Variants in SLC4A3 observed in about 807,000 individuals in gnomAD.
The protein encoded by SLC4A3 is solute carrier family 4 member 3, also known as anion exchange protein 3.
SLC4A3 carries 47 observed loss-of-function variants against 114.2 expected under a neutral mutation model. That is an observed-to-expected ratio of 0.41 (90% CI 0.33 to 0.52). SLC4A3 has a LOEUF of 0.52. Ranked by LOEUF, SLC4A3 falls within the 20% of genes least tolerant of loss-of-function variation. The pLI, the probability that SLC4A3 is intolerant of heterozygous loss-of-function variation, is 0.21. For missense variants in SLC4A3, 1,312 were observed against 1,668.3 expected, an observed-to-expected ratio of 0.79 and a Z score of 3.72; for synonymous variants, 693 against 710.3, an observed-to-expected ratio of 0.98 and a Z score of 0.39.
In SLC4A3 at chr2:219,632,103, G is replaced by A. The variant is rs766023938; in HGVS notation, c.947G>A (p.Arg316Gln). The A allele has an allele frequency of 3.3e-5, 53 of 1,613,456 alleles. No homozygotes were observed. The highest frequency in any genetic ancestry group is 1.6e-4 in the Middle Eastern group (1 of 6,080). ...AAGAAGAAGAAGAAAAAGCTGGACC[G>A]GAGGCCTCATGAGGTCAGGATGCTG... is the stretch of plus-strand genomic sequence containing the variant. ...RRKKKKKKLD[R>Q]RPHEVFVELN... Residue 316 changes from arginine to glutamine, a missense_variant, in exon 7 of 23, where the codon CGG (arginine) becomes CAG (glutamine). Arg to Gln is a conservative substitution (Grantham distance 43, BLOSUM62 1). This residue lies in a region of SLC4A3 where 771 missense variants were observed against 977.7 expected (regional missense o/e 0.79). Coordinates refer to ENST00000358055, the MANE Select transcript of SLC4A3 (RefSeq NM_005070.4).
chr2:219,637,535 T>G lies in SLC4A3; in HGVS notation c.2536-46T>G. The G allele has an allele frequency of 9.1e-7, 1 of 1,103,186 alleles. No homozygotes were observed. The highest frequency in any genetic ancestry group is 1.3e-6 in the Non-Finnish European group (1 of 749,520). 68.3% of individuals were successfully genotyped at this position (1,103,186 alleles called of 1,614,324 possible). On this transcript the variant is annotated intron_variant, in intron 16 of 22. Transcript: ENST00000358055. The surrounding 1 kb of genome is among the most constrained non-coding windows in gnomAD (Gnocchi z 4.6). ...GTGTACTGATGACGATGAAGTCAGGTCACCTGCCAGGTGAGTGACAAGGCA... is the reference window on the plus strand; with the variant it reads ...GTGTACTGATGACGATGAAGTCAGGGCACCTGCCAGGTGAGTGACAAGGCA...
rs144812298 is a variant in SLC4A3, at chr2:219,634,468, A to G, written c.1610A>G (p.Asn537Ser). ...EQPAAAFVRL[N>S]EAVLLESVLE... ...CCTGCAGCAGCCTTCGTGCGTCTGA[A>G]TGAGGCTGTACTCCTGGAGTCTGTG... The change falls in exon 12 of 23, where the codon AAT (asparagine) becomes AGT (serine). Residue 537 changes from asparagine to serine, a missense_variant. Asn to Ser is a conservative substitution (Grantham distance 46). This residue lies in a region of SLC4A3 where 771 missense variants were observed against 977.7 expected (regional missense o/e 0.79). Coordinates refer to ENST00000358055, the MANE Select transcript of SLC4A3 (RefSeq NM_005070.4). 263 of 1,614,126 alleles carry G rather than the reference A, an allele frequency of 1.6e-4. No individual in the cohort carries two copies. In the African/African-American group the frequency reaches 3.0e-3, roughly 18 times the overall value.
chr2:219,628,836 C>G lies in SLC4A3; in HGVS notation c.217+266C>G. 1.7e-6 allele frequency: 1 copy of G among 585,214 alleles called. No homozygotes were observed. The highest frequency in any genetic ancestry group is 3.0e-6 in the Non-Finnish European group (1 of 335,380). The allele number at this position is 585,214 out of a possible 1,614,324, so 36.3% of individuals were successfully genotyped here. ...CTTCCACGGTGACCTTCCCCTTCCC[C>G]TTCGTCCCCACTCACTCCCTCCTTG... is the stretch of plus-strand genomic sequence containing the variant. On this transcript the variant is annotated intron_variant, in intron 3 of 22. Transcript: ENST00000358055. The surrounding 1 kb of genome is among the most constrained non-coding windows in gnomAD (Gnocchi z 4.8).
Position 219,629,272 on chromosome 2 carries a change from T to A in SLC4A3, c.346T>A (p.Ser116Thr). 6.2e-7 allele frequency: 1 copy of A among 1,613,654 alleles called. No homozygotes were observed. The highest frequency in any genetic ancestry group is 8.5e-7 in the Non-Finnish European group (1 of 1,179,882). ...TRRKRKKEKT[S>T]APPSEGTPPI... is the part of the protein sequence containing the mutation. Reference sequence around the variant, plus strand: ...GAGAAAGAGGAAGAAGGAGAAAACCTCTGCTCCTCCCTCCGAGGGGACCCC... The same window carrying A: ...GAGAAAGAGGAAGAAGGAGAAAACCACTGCTCCTCCCTCCGAGGGGACCCC... The change falls in exon 4 of 23, where the codon TCT becomes ACT. Residue 116 changes from serine (S) to threonine (T), a missense_variant. By Grantham distance (58) the Ser-to-Thr change is moderately conservative. This residue lies in a region of SLC4A3 where 236 missense variants were observed against 212.1 expected (regional missense o/e 1.11). Transcript: ENST00000358055.
chr2:219,633,413 G>C lies in SLC4A3; in HGVS notation c.1417G>C (p.Gly473Arg). ...GAVPTMADDLGEPAPLWPHDP... is the reference protein window; with the variant it reads ...GAVPTMADDLREPAPLWPHDP... Reference sequence around the variant, plus strand: ...GGTGCCTACCATGGCTGATGACCTGGGGGAGCCAGCCCCACTCTGGCCACA... The same window carrying C: ...GGTGCCTACCATGGCTGATGACCTGCGGGAGCCAGCCCCACTCTGGCCACA... The change falls in exon 10 of 23, where the codon GGG (glycine) becomes CGG (arginine). Residue 473 changes from glycine (G) to arginine (R), a missense_variant. Physicochemically the swap from Gly to Arg is moderately radical, Grantham distance 125. Transcript: ENST00000358055. The C allele has an allele frequency of 6.3e-7, 1 of 1,575,140 alleles. No homozygotes were observed. Among genetic ancestry groups the C allele is most frequent in the Non-Finnish European group, 8.6e-7 (1 of 1,160,184 alleles).
Position 219,635,473 on chromosome 2 carries a change from G to A in SLC4A3, c.1949G>A (p.Gly650Asp), listed in dbSNP as rs908492810. ...EQTKVEMTTRGGYTAPGKELS... is the reference protein window; with the variant it reads ...EQTKVEMTTRDGYTAPGKELS... ...ACCAAAGTCGAGATGACCACACGGG[G>A]TGGCTACACGGCCCCTGGGAAAGGT... The change falls in exon 13 of 23, where the codon GGT becomes GAT. Residue 650 changes from glycine to aspartate, a missense_variant. This residue lies in a region of SLC4A3 where 771 missense variants were observed against 977.7 expected (regional missense o/e 0.79). Transcript: ENST00000358055. 9.3e-6 allele frequency: 15 copies of A among 1,612,578 alleles called. No individual in the cohort carries two copies. The highest frequency in any genetic ancestry group is 6.7e-5 in the East Asian group (3 of 44,818).
chr2:219,635,984 AT>A, intron 14 of SLC4A3, 93 bp downstream of exon 14: 1 of 1,020,814 alleles, frequency 9.8e-7, no homozygotes, highest in Non-Finnish European at 1.4e-6. Context: ...GTGTGATCAC[AT>A]TAGGGGGCCA....
At position 219,637,022 on chromosome 2, in the gene SLC4A3, T is replaced by A. The variant is rs2106198256; in HGVS notation, c.2535+148T>A. 1 of 741,518 alleles carries A rather than the reference T, an allele frequency of 1.3e-6. No homozygotes were observed. The highest frequency in any genetic ancestry group is 2.7e-5 in the East Asian group (1 of 37,614). The allele number at this position is 741,518 out of a possible 1,614,324, so 45.9% of individuals were successfully genotyped here. A position where few individuals can be genotyped will look rare whatever the true frequency, so the allele number is the denominator to read the frequency against. ...GAGGGGTTCTAGGGACACCCTAGGC[T>A]AGGTCTGAGCTGAAGGGGAGGGAGT... On this transcript the variant is annotated intron_variant, in intron 16 of 22. Transcript: ENST00000358055. This position sits in a 1 kb window ranked among gnomAD's most constrained non-coding sequence, Gnocchi z 4.6.
In SLC4A3 at chr2:219,629,397, C is replaced by T. The variant is rs751614801; in HGVS notation, c.471C>T (p.His157=). The stretch of plus-strand genomic sequence containing the variant: ...AGGCAGAACCTGTGGAGCCCCCCCA[C>T]TCAGGGACCCCACAGAAGGCAAAGG... ...ESEAEPVEPP[H]SGTPQKAKFS... Residue 157 remains histidine, a synonymous_variant, in exon 4 of 23, where the codon CAC becomes CAT. Coordinates refer to ENST00000358055, the MANE Select transcript of SLC4A3 (RefSeq NM_005070.4). 9.5e-6 allele frequency: 15 copies of T among 1,585,862 alleles called. No individual in the cohort carries two copies. Among genetic ancestry groups the T allele is most frequent in the South Asian group, 3.5e-5 (3 of 86,138 alleles).
At chr2:219,629,081 C>T in intron 3 of SLC4A3, 63 bp from the exon 4 acceptor site, 1 of 1,507,182 alleles carries the variant, frequency 6.6e-7, no homozygotes, top group Non-Finnish European at 8.8e-7. Flanking sequence ...GGTGTGTGCC[C>T]TCGGGTGGGG....
intron 10 of SLC4A3, 36 bp from the exon 11 acceptor site, chr2:219,633,844 C>A: frequency 6.4e-7 from 1 of 1,551,436 alleles, no homozygotes; most frequent in South Asian, 1.2e-5. Flanking sequence ...GGCCTCCGGT[C>A]TGGGTCCCAG....
chr2:219,632,845 GC>G (rs746945618), intron 8 of SLC4A3, 28 bp from the exon 9 acceptor site: 21 of 1,613,062 alleles, frequency 1.3e-5, no homozygotes, highest in Non-Finnish European at 1.6e-5. Context: ...ATGGGACTGT[GC>G]CCTCTCTGTG....
rs1487786128 is a variant in SLC4A3 at position 219,632,187 on chromosome 2, C to T, written c.960+71C>T. ...GGCCCCGGAGCCCTCCTCTCTTTGC[C>T]CCCCTGCCTTGCCCCATCACGGTGT... On this transcript the variant is annotated intron_variant, in intron 7 of 22. Transcript: ENST00000358055. The T allele has an allele frequency of 1.9e-6, 3 of 1,607,258 alleles. No individual in the cohort carries two copies. In the African/African-American group the frequency reaches 4.0e-5, roughly 21 times the overall value.
Position 219,638,594 on chromosome 2 carries a change from AC to A in SLC4A3, c.2857-105del. 8.7e-7 allele frequency: 1 copy of A among 1,143,366 alleles called. No homozygotes were observed. Among genetic ancestry groups the A allele is most frequent in the Non-Finnish European group, 1.3e-6 (1 of 796,922 alleles). 70.8% of individuals were successfully genotyped at this position (1,143,366 alleles called of 1,614,324 possible). A position where few individuals can be genotyped will look rare whatever the true frequency, so the allele number is the denominator to read the frequency against. On this transcript the variant is annotated intron_variant, in intron 18 of 22. Coordinates refer to ENST00000358055, the MANE Select transcript of SLC4A3 (RefSeq NM_005070.4). The surrounding 1 kb of genome is among the most constrained non-coding windows in gnomAD (Gnocchi z 7.5). ...ACTAATTTTCCCCTGACCTGTTCAC[AC>A]CCCAGCTCCCTGAAGTCCTGGACTG...
Position 219,631,949 on chromosome 2 carries a change from A to G in SLC4A3, c.812-19A>G, listed in dbSNP as rs1698937140. 6.3e-7 allele frequency: 1 copy of G among 1,575,348 alleles called. No individual in the cohort carries two copies. The highest frequency in any genetic ancestry group is 8.6e-7 in the Non-Finnish European group (1 of 1,160,444). On this transcript the variant is annotated intron_variant, in intron 6 of 22. Transcript: ENST00000358055. This position sits in a 1 kb window ranked among gnomAD's most constrained non-coding sequence, Gnocchi z 6.3. Reference sequence around the variant, plus strand: ...CCCCAGCTGGACCTGTGGGACCCCCAAGCCCATCTTCTCTGCAGGTCACCG... The same window carrying G: ...CCCCAGCTGGACCTGTGGGACCCCCGAGCCCATCTTCTCTGCAGGTCACCG...
Position 219,641,762 on chromosome 2 carries a change from A to T in SLC4A3, c.*34A>T. 6.4e-7 allele frequency: 1 copy of T among 1,561,878 alleles called. No individual in the cohort carries two copies. The highest frequency in any genetic ancestry group is 1.1e-5 in the South Asian group (1 of 89,840). ...GACAGTGCCCCTCAGAGACCCCAAG[A>T]CCTTAGGGATTGACACCTGGGCCTC... is the stretch of plus-strand genomic sequence containing the variant. On this transcript the variant is annotated 3_prime_UTR_variant, in exon 23 of 23. Transcript: ENST00000358055. The surrounding 1 kb of genome is among the most constrained non-coding windows in gnomAD (Gnocchi z 4.0).
chr2:219,637,843 A>G lies in SLC4A3; in HGVS notation c.2766+32A>G. On this transcript the variant is annotated intron_variant, in intron 17 of 22. Coordinates refer to ENST00000358055, the MANE Select transcript of SLC4A3 (RefSeq NM_005070.4). This position sits in a 1 kb window ranked among gnomAD's most constrained non-coding sequence, Gnocchi z 4.6. ...GGCTGCTGGGTGTGGAGCCCCCAAGAGTCCCACAATTCCTGCTGTAGGAGC... is the reference window on the plus strand; with the variant it reads ...GGCTGCTGGGTGTGGAGCCCCCAAGGGTCCCACAATTCCTGCTGTAGGAGC... The G allele has an allele frequency of 6.5e-7, 1 of 1,532,584 alleles. No individual in the cohort carries two copies. Among genetic ancestry groups the G allele is most frequent in the Non-Finnish European group, 9.0e-7 (1 of 1,106,370 alleles). 94.9% of individuals were successfully genotyped at this position (1,532,584 alleles called of 1,614,324 possible). A position where few individuals can be genotyped will look rare whatever the true frequency, so the allele number is the denominator to read the frequency against.
chr2:219,627,783 C>A, intron 1 of SLC4A3, 38 bp downstream of exon 1: 3 of 394,152 alleles, frequency 7.6e-6, no homozygotes, highest in Non-Finnish European at 1.4e-5. Flanking sequence ...GGGCGGGGGA[C>A]CCGGGCTGTC....
chr2:219,640,669 T>C (rs558243252), intron 21 of SLC4A3, 70 bp downstream of exon 21: 55 of 1,576,072 alleles, frequency 3.5e-5, no homozygotes, highest in African/African-American at 1.5e-4. Flanking sequence ...TCTGGGAGCA[T>C]TGATGGATGG....
Sources: gnomAD v4.1 joint callset for allele counts on GRCh38, gnomAD v4.1.1 for gene constraint, gnomAD v4.1.1 regional missense constraint, Gnocchi (gnomAD v3.1) non-coding constraint, MANE v1.5 for transcripts, NCBI Gene and HGNC (gene_info 2026-07-23, HGNC 2026-07-21) for gene names.